Variants in MTA3 observed in about 807,000 individuals in gnomAD.
MTA3 encodes metastasis associated 1 family member 3, also known as metastasis-associated protein MTA3.
A neutral mutation model predicts 83.5 loss-of-function variants in MTA3; 34 were observed. The observed-to-expected ratio is 0.41, with a 90% CI of 0.31 to 0.54. The LOEUF is 0.54. Among genes scored for constraint, MTA3 ranks in the 20% least tolerant of loss-of-function variants. MTA3 has a pLI of 0.33. For missense variants in MTA3, 761 were observed against 726.4 expected (o/e 1.05, Z -0.55); for synonymous variants, 303 against 252.7 (o/e 1.20, Z -1.89).
intron 2 of MTA3, among the ~76,000 whole-genome samples, chr2:42,560,004 T>C (rs1677588916): frequency 6.6e-6 from 1 of 152,168 alleles, no homozygotes; most frequent in Non-Finnish European, 1.5e-5. Flanking sequence ...AGTCTTCTTG[T>C]TTCTCTTCCT....
At chr2:42,574,038 G>A (rs368827576) in intron 2 of MTA3, among the ~76,000 whole-genome samples, 4 of 150,482 alleles carry the variant, frequency 2.7e-5, no homozygotes, top group Admixed American at 6.6e-5. Context: ...GGGTTTCACC[G>A]TGTTAGCCAG....
At chr2:42,740,145 C>G (rs1006682484) in intron 16 of MTA3, among the ~76,000 whole-genome samples, 6 of 152,234 alleles carry the variant, frequency 3.9e-5, no homozygotes, top group Non-Finnish European at 8.8e-5. Context: ...TGCCCAGATC[C>G]ATCAGAGGAA....
intron 4 of MTA3, among the ~76,000 whole-genome samples, chr2:42,626,656 A>G (rs1449008112): frequency 6.6e-6 from 1 of 152,084 alleles, no homozygotes; most frequent in Non-Finnish European, 1.5e-5. Flanking sequence ...TGACTTTTCT[A>G]AGTCTTACCC....
At chr2:42,518,482 T>G (rs951949068) in intron 2 of MTA3, among the ~76,000 whole-genome samples, 5 of 152,166 alleles carry the variant, frequency 3.3e-5, no homozygotes, top group African/African-American at 9.7e-5. Context: ...CAAAGTAGTA[T>G]TGCGTTGTAA....
In MTA3 at chr2:42,647,254, C is replaced by T. The variant is rs192528820; in HGVS notation, c.499+3010C>T. On this transcript the variant is annotated intron_variant, in intron 6 of 16. Coordinates refer to ENST00000405094, the MANE Select transcript of MTA3 (RefSeq NM_001330442.2). ...AAACTTTTTTTTAGAGACAGAGTCT[C>T]GCTCTGTTGCCCAGGCTGAAGTGCA... Among the ~76,000 whole-genome samples the T allele has an allele frequency of 3.6e-3, 538 of 151,334 alleles. 3 individuals carry two copies. Among genetic ancestry groups the T allele is most frequent in the African/African-American group, 0.012 (512 of 41,222 alleles).
intron 2 of MTA3, among the ~76,000 whole-genome samples, chr2:42,500,185 G>C (rs1446173835): frequency 1.3e-5 from 2 of 152,154 alleles, no homozygotes; most frequent in African/African-American, 4.8e-5. Context: ...GATCACCTGA[G>C]GTCAGGAGTT....
At chr2:42,662,587 CTTTTG>C (rs1689823262) in intron 8 of MTA3, among the ~76,000 whole-genome samples, 1 of 151,712 alleles carries the variant, frequency 6.6e-6, no homozygotes, top group African/African-American at 2.4e-5. Flanking sequence ...AATCTATTCT[CTTTTG>C]TTTTGTAGAT....
intron 8 of MTA3, among the ~76,000 whole-genome samples, chr2:42,667,907 C>G (rs1253100778): frequency 1.3e-5 from 2 of 152,106 alleles, no homozygotes; most frequent in African/African-American, 2.4e-5. Context: ...GTGAATAACC[C>G]TGCTATGAAC....
In MTA3 at chr2:42,756,738, T is replaced by A. The variant is rs1460083613; in HGVS notation, c.*3339T>A. 1.0e-6 allele frequency: 1 copy of A among 985,306 alleles called. No homozygotes were observed. Among genetic ancestry groups the A allele is most frequent in the African/African-American group, 1.7e-5 (1 of 57,196 alleles). The allele number at this position is 985,306 out of a possible 1,614,324, so 61.0% of individuals were successfully genotyped here. On this transcript the variant is annotated 3_prime_UTR_variant, in exon 17 of 17. Transcript: ENST00000405094. ...TCCCCCCAGGAAGGCCATGTCCCAG[T>A]TTTCTGTCCACCCCTCCTGTTCCTC...
intron 16 of MTA3, among the ~76,000 whole-genome samples, chr2:42,723,946 C>T (rs759325797): frequency 1.3e-5 from 2 of 152,056 alleles, no homozygotes; most frequent in Admixed American, 1.3e-4. Flanking sequence ...ATGTGTAAAA[C>T]AGTGAGGGTG....
intron 8 of MTA3, chr2:42,680,347 AC>A (rs939098553): frequency 1.3e-5 from 2 of 152,250 alleles, no homozygotes; most frequent in Admixed American, 1.3e-4. Context: ...TGAGACCTTG[AC>A]TGGTGGCGGG....
intron 4 of MTA3, among the ~76,000 whole-genome samples, chr2:42,624,383 G>A (rs1685877519): frequency 1.3e-5 from 2 of 152,136 alleles, no homozygotes; most frequent in South Asian, 2.1e-4. Flanking sequence ...GTGCAGTGGT[G>A]TGATCTTGGC....
chr2:42,594,721 TATATATA>T (rs1430092723), intron 3 of MTA3, among the ~76,000 whole-genome samples: 1 of 36,568 alleles, frequency 2.7e-5, no homozygotes, highest in Admixed American at 4.1e-4. Flanking sequence ...TATATATATA[TATATATA>T]TTTTTTTTTT....
At chr2:42,540,774 G>T (rs1676483071) in intron 2 of MTA3, among the ~76,000 whole-genome samples, 1 of 151,188 alleles carries the variant, frequency 6.6e-6, no homozygotes, top group South Asian at 2.1e-4. Context: ...GTTTGTGGTT[G>T]CAGTGAGCTG....
chr2:42,624,831 C>A (rs1685919416), intron 4 of MTA3, among the ~76,000 whole-genome samples: 1 of 152,102 alleles, frequency 6.6e-6, no homozygotes, highest in Admixed American at 6.6e-5. Context: ...AAGATGTTTA[C>A]CCCATTGTCA....
chr2:42,647,246 C>T (rs1472497767), intron 6 of MTA3, among the ~76,000 whole-genome samples: 1 of 151,094 alleles, frequency 6.6e-6, no homozygotes, highest in African/African-American at 2.4e-5. Context: ...TTTTTAGAGA[C>T]AGAGTCTCGC....
At chr2:42,617,570 G>C (rs1196508743) in intron 4 of MTA3, among the ~76,000 whole-genome samples, 1 of 151,958 alleles carries the variant, frequency 6.6e-6, no homozygotes, top group Non-Finnish European at 1.5e-5. Flanking sequence ...CCAGCACTTT[G>C]GGAGGTCACC....
chr2:42,668,174 T>A (rs1445426235), intron 8 of MTA3, among the ~76,000 whole-genome samples: 1 of 152,216 alleles, frequency 6.6e-6, no homozygotes, highest in Admixed American at 6.5e-5. Flanking sequence ...GGAACTGCAG[T>A]GGCTCCTCAA....
chr2:42,737,123 A>C (rs540810498), intron 16 of MTA3, among the ~76,000 whole-genome samples: 3 of 152,014 alleles, frequency 2.0e-5, no homozygotes, highest in African/African-American at 7.3e-5. Context: ...TTCCCTTAGC[A>C]GCCCTGGCTG....
Sources: gnomAD v4.1 joint callset for allele counts (sites outside exome capture counted in the v4.1 genomes callset) on GRCh38, gnomAD v4.1.1 for gene constraint, MANE v1.5 for transcripts, NCBI Gene and HGNC (gene_info 2026-07-23, HGNC 2026-07-21) for gene names.